SFI1: variants seen among roughly 807,000 people sequenced by gnomAD.
The protein encoded by SFI1 is protein SFI1 homolog.
A neutral mutation model predicts 207.5 loss-of-function variants in SFI1; 195 were observed. The ratio of observed to expected loss-of-function variants is 0.94; its 90% confidence interval spans 0.84 to 1.06. SFI1 has a LOEUF of 1.06. SFI1 is among the 50% of genes least tolerant of loss of function. The pLI is 0.00. For synonymous variants in SFI1, 630 were observed against 598.9 expected (o/e 1.05, Z -0.76); for missense variants, 1,634 against 1,588.0 (o/e 1.03, Z -0.49).
intron 9 of SFI1, among the ~76,000 whole-genome samples, chr22:31,574,831 C>T (rs992276474): frequency 7.2e-5 from 11 of 151,846 alleles, no homozygotes; most frequent in South Asian, 4.2e-4. Context: ...CTGAGGCGGG[C>T]GGATCACTTG....
Position 31,593,006 on chromosome 22 carries a change from C to T in SFI1, c.1544+3429C>T, listed in dbSNP as rs865985650. On this transcript the variant is annotated intron_variant, in intron 15 of 32. Transcript: ENST00000400288. ...GGGGCTGACCCCCCCACCTCCCTCCCGGACGGCACGGCTGGCCAGGTGGGG... is the reference window on the plus strand; with the variant it reads ...GGGGCTGACCCCCCCACCTCCCTCCTGGACGGCACGGCTGGCCAGGTGGGG... Among the ~76,000 whole-genome samples the T allele has an allele frequency of 3.5e-3, 447 of 129,322 alleles. 5 individuals carry two copies. Among genetic ancestry groups the T allele is most frequent in the African/African-American group, 0.012 (373 of 31,186 alleles). 84.8% of individuals were successfully genotyped at this position (129,322 alleles called of 152,430 possible).
chr22:31,580,364 G>T lies in SFI1; in HGVS notation c.1248G>T (p.Thr416=), dbSNP rs1305455934. Residue 416 remains threonine, a splice_region_variant and synonymous_variant, in exon 12 of 33, where the codon ACG becomes ACT. Coordinates refer to ENST00000400288, the MANE Select transcript of SFI1 (RefSeq NM_001007467.3). ...TTGCTCACCAGCAGCATGGTGTCAC[G>T]GTGAGGGTTGTCTTCTGTATCAAGG... ...RNLAHQQHGV[T]LLHRFWNLWR... 1 of 1,612,920 alleles carries T rather than the reference G, an allele frequency of 6.2e-7. No individual in the cohort carries two copies. The highest frequency in any genetic ancestry group is 8.5e-7 in the Non-Finnish European group (1 of 1,179,070).
In SFI1 at chr22:31,607,934, T is replaced by C; in HGVS notation, c.2158-3T>C. On this transcript the variant is annotated splice_polypyrimidine_tract_variant and splice_region_variant and intron_variant, in intron 21 of 32. Coordinates refer to ENST00000400288, the MANE Select transcript of SFI1 (RefSeq NM_001007467.3). ...TCTTGCTGTGCTCCTTGCCTGCCCA[T>C]AGGTCCTGGTCCAGTGGCGGGAAGC... The C allele has an allele frequency of 6.2e-7, 1 of 1,613,454 alleles. No individual in the cohort carries two copies. The highest frequency in any genetic ancestry group is 8.5e-7 in the Non-Finnish European group (1 of 1,179,544).
At chr22:31,535,489 T>A (rs1479228905) in intron 4 of SFI1, among the ~76,000 whole-genome samples, 1 of 150,854 alleles carries the variant, frequency 6.6e-6, no homozygotes, top group East Asian at 1.9e-4. Context: ...GCGCCTGACC[T>A]TTTTTTTGTT....
intron 19 of SFI1, 130 bp from the exon 20 acceptor site, chr22:31,604,739 G>C (rs2068679094): frequency 9.2e-6 from 7 of 765,012 alleles, no homozygotes; most frequent in South Asian, 3.8e-5. Context: ...ACCAGGGGCT[G>C]TTGGCCTCTT....
chr22:31,609,480 A>C (rs143872799), intron 22 of SFI1, among the ~76,000 whole-genome samples: 15 of 152,378 alleles, frequency 9.8e-5, no homozygotes, highest in African/African-American at 3.4e-4. Context: ...AGAATAAATG[A>C]AAATACAAAT....
chr22:31,599,352 C>T (rs572219037), intron 15 of SFI1, among the ~76,000 whole-genome samples: 554 of 150,352 alleles, frequency 3.7e-3, no homozygotes, highest in African/African-American at 0.013. Flanking sequence ...GACAGAATCT[C>T]GCTCTATTGC....
At chr22:31,502,870 T>C (rs1165080679) in intron 1 of SFI1, among the ~76,000 whole-genome samples, 1 of 151,830 alleles carries the variant, frequency 6.6e-6, no homozygotes, top group African/African-American at 2.4e-5. Flanking sequence ...TCCCAGCACT[T>C]TGGGAGGCTG....
intron 21 of SFI1, 35 bp downstream of exon 21, chr22:31,606,465 G>A: frequency 1.3e-6 from 2 of 1,570,764 alleles, no homozygotes; most frequent in East Asian, 2.2e-5. Context: ...TCACCCAGGA[G>A]AGTTGGGACT....
rs1287743676 is a variant in SFI1, at chr22:31,604,965, C to T, written c.2054+20C>T. On this transcript the variant is annotated intron_variant, in intron 20 of 32. Coordinates refer to ENST00000400288, the MANE Select transcript of SFI1 (RefSeq NM_001007467.3). ...GCTGCGGTGAGTCTCCCGGGCGCCT[C>T]CCAAGCTCCAGCTGGGGAACAAGGA... 6.3e-7 allele frequency: 1 copy of T among 1,576,522 alleles called. No homozygotes were observed. The highest frequency in any genetic ancestry group is 8.6e-7 in the Non-Finnish European group (1 of 1,161,000).
At chr22:31,532,219 G>C (rs1435471154) in intron 4 of SFI1, among the ~76,000 whole-genome samples, 2 of 152,186 alleles carry the variant, frequency 1.3e-5, no homozygotes, top group African/African-American at 4.8e-5. Flanking sequence ...ATCAAGTGCA[G>C]AACCTGGGGG....
intron 14 of SFI1, among the ~76,000 whole-genome samples, chr22:31,588,600 G>A (rs557765858): frequency 6.6e-6 from 1 of 152,292 alleles, no homozygotes; most frequent in East Asian, 1.9e-4. Flanking sequence ...AGATCGTGAG[G>A]TCAAGAGATC....
intron 12 of SFI1, among the ~76,000 whole-genome samples, chr22:31,582,301 G>T (rs1303043272): frequency 1.6e-5 from 2 of 127,088 alleles, no homozygotes; most frequent in Non-Finnish European, 3.2e-5. Context: ...AGGCTGGAGT[G>T]CAGTAAGTAG....
intron 31 of SFI1, among the ~76,000 whole-genome samples, chr22:31,617,734 A>AAT (rs1188625362): frequency 6.6e-6 from 1 of 151,892 alleles, no homozygotes; most frequent in Non-Finnish European, 1.5e-5. Flanking sequence ...AAAAAAAAAA[A>AAT]ATGCAGAGGA....
chr22:31,568,879 A>C (rs1322418051), intron 8 of SFI1, among the ~76,000 whole-genome samples: 1 of 152,190 alleles, frequency 6.6e-6, no homozygotes, highest in African/African-American at 2.4e-5. Context: ...GGATCACTTG[A>C]GCCCAGTAGA....
intron 9 of SFI1, among the ~76,000 whole-genome samples, chr22:31,574,108 T>C (rs1286376313): frequency 6.6e-6 from 1 of 152,218 alleles, no homozygotes; most frequent in Non-Finnish European, 1.5e-5. Flanking sequence ...ATTAGTACAC[T>C]TTTTAACTTA....
intron 11 of SFI1, 196 bp from the exon 12 acceptor site, chr22:31,580,076 T>C (rs2146073279): frequency 3.7e-6 from 2 of 534,360 alleles, no homozygotes; most frequent in African/African-American, 1.9e-5. Flanking sequence ...AAGTGCCTGC[T>C]GTGCAGGCTG....
intron 5 of SFI1, among the ~76,000 whole-genome samples, 173 bp downstream of exon 5, chr22:31,547,144 A>G (rs2060164950): frequency 6.6e-6 from 1 of 152,016 alleles, no homozygotes; most frequent in African/African-American, 2.4e-5. Context: ...GCATGCATGC[A>G]CATGCTGGGC....
chr22:31,605,906 C>T (rs1445029558), intron 20 of SFI1: 1 of 186,684 alleles, frequency 5.4e-6, no homozygotes, highest in Non-Finnish European at 1.1e-5. Flanking sequence ...CCATAGAGCA[C>T]CCATCCCGCT....
Sources: gnomAD v4.1 joint callset for allele counts (sites outside exome capture counted in the v4.1 genomes callset) on GRCh38, gnomAD v4.1.1 for gene constraint, MANE v1.5 for transcripts, NCBI Gene and HGNC (gene_info 2026-07-23, HGNC 2026-07-21) for gene names.